DNAH3: variants seen among roughly 807,000 people sequenced by gnomAD.
The protein encoded by DNAH3 is axonemal beta dynein heavy chain 3.
Under a neutral mutation model 432.5 loss-of-function variants are expected in DNAH3, and 332 were observed. That is an observed-to-expected ratio of 0.77 (90% CI 0.70 to 0.84). DNAH3 has a LOEUF of 0.84. Among genes scored for constraint, DNAH3 ranks in the 40% least tolerant of loss-of-function variants. The pLI is 0.00. For synonymous variants in DNAH3, 1,956 were observed against 1,900.2 expected (o/e 1.03, Z -0.76); for missense variants, 4,861 against 5,114.0 (o/e 0.95, Z 1.51).
chr16:21,102,423 T>C (rs1322546836), intron 16 of DNAH3, among the ~76,000 whole-genome samples: 1 of 152,174 alleles, frequency 6.6e-6, no homozygotes, highest in East Asian at 1.9e-4. Context: ...GAGAAGCGTT[T>C]TTCTCCCCAC....
intron 20 of DNAH3, among the ~76,000 whole-genome samples, chr16:21,079,682 A>C (rs1357585131): frequency 6.6e-6 from 1 of 152,210 alleles, no homozygotes; most frequent in Non-Finnish European, 1.5e-5. Context: ...TCAGGTATAT[A>C]AAATGCTGAG....
At chr16:21,012,129 A>G (rs2087631714) in intron 41 of DNAH3, among the ~76,000 whole-genome samples, 1 of 152,224 alleles carries the variant, frequency 6.6e-6, no homozygotes. Flanking sequence ...CAGAATTAAA[A>G]TCATTCAAGA....
At chr16:21,142,774 C>A (rs1422872656) in intron 3 of DNAH3, among the ~76,000 whole-genome samples, 1 of 151,774 alleles carries the variant, frequency 6.6e-6, no homozygotes, top group East Asian at 1.9e-4. Context: ...CCACCTCAGT[C>A]TCCTGAGTAG....
At chr16:21,004,219 T>C (rs573440369) in intron 41 of DNAH3, among the ~76,000 whole-genome samples, 1 of 152,314 alleles carries the variant, frequency 6.6e-6, no homozygotes, top group South Asian at 2.1e-4. Context: ...ATTTAAAAAA[T>C]GAAAGTAAGG....
chr16:20,958,668 C>T (rs995277026), intron 54 of DNAH3, among the ~76,000 whole-genome samples: 3 of 152,152 alleles, frequency 2.0e-5, no homozygotes, highest in Admixed American at 1.3e-4. Flanking sequence ...CCTTCCCATC[C>T]CTTCTCTGTA....
At chr16:21,140,680 G>A in exon 5 of DNAH3, 2 of 1,614,086 alleles carry the variant, frequency 1.2e-6, no homozygotes, top group Non-Finnish European at 1.7e-6. Flanking sequence ...TCATGGGTGA[G>A]AAGATTGACG....
At chr16:20,960,167 C>T (rs2084753270) in intron 53 of DNAH3, among the ~76,000 whole-genome samples, 1 of 151,870 alleles carries the variant, frequency 6.6e-6, no homozygotes, top group African/African-American at 2.4e-5. Flanking sequence ...ATGTACATAT[C>T]TTATAGGTCT....
intron 54 of DNAH3, 43 bp downstream of exon 54, chr16:20,959,136 G>T: frequency 6.3e-7 from 1 of 1,593,264 alleles, no homozygotes; most frequent in Non-Finnish European, 8.6e-7. Flanking sequence ...CTGATGTCTG[G>T]AGGTTGGGTC....
chr16:20,980,383 G>T, intron 49 of DNAH3, among the ~76,000 whole-genome samples: 1 of 126,322 alleles, frequency 7.9e-6, no homozygotes, highest in Non-Finnish European at 1.8e-5. Context: ...TGTGGGGGGG[G>T]AGAGAGAGAG....
At chr16:21,139,809 T>C in intron 5 of DNAH3, among the ~76,000 whole-genome samples, 1 of 116,072 alleles carries the variant, frequency 8.6e-6, no homozygotes, top group African/African-American at 3.4e-5. Flanking sequence ...AGATAGAGCC[T>C]CGCTCTGTTG....
intron 61 of DNAH3, among the ~76,000 whole-genome samples, chr16:20,933,928 A>C (rs567363659): frequency 1.3e-5 from 2 of 152,354 alleles, no homozygotes; most frequent in East Asian, 3.9e-4. Flanking sequence ...TGTGGTATAA[A>C]GACTTCCACC....
intron 15 of DNAH3, among the ~76,000 whole-genome samples, chr16:21,104,951 C>G (rs144734100): frequency 6.6e-6 from 1 of 152,078 alleles, no homozygotes; most frequent in Non-Finnish European, 1.5e-5. Context: ...AGTCAGAAAC[C>G]CAGATTGATG....
rs944980232 is a variant in DNAH3, at chr16:21,058,249, T to C, written c.3814-53A>G. ...GGATCAGTTCACGTGTGGTTTAAAC[T>C]GAGTTTACGAAAACATGCCCCAACC... On this transcript the variant is annotated intron_variant, in intron 26 of 61. Transcript: ENST00000261383. 4 of 1,150,112 alleles carry C rather than the reference T, an allele frequency of 3.5e-6. No homozygotes were observed. In the African/African-American group the frequency reaches 6.1e-5, roughly 18 times the overall value. 71.2% of individuals were successfully genotyped at this position (1,150,112 alleles called of 1,614,324 possible).
chr16:20,978,309 A>T (rs1358478700), intron 50 of DNAH3, among the ~76,000 whole-genome samples: 1 of 152,144 alleles, frequency 6.6e-6, no homozygotes, highest in Non-Finnish European at 1.5e-5. Flanking sequence ...TGAGCAGATC[A>T]CCTGAGGTCA....
chr16:20,975,375 T>C lies in DNAH3; in HGVS notation c.8117A>G (p.Gln2706Arg), dbSNP rs201153647. 1.9e-5 allele frequency: 30 copies of C among 1,614,208 alleles called. No individual in the cohort carries two copies. The African/African-American group carries it at 3.9e-4, about 21-fold the overall frequency. ...AGTTTCCTCGGAGGTGAGGATGAGT[T>C]GAGGTTGAAGAGCTGTCAGTTCTCT... The change falls in exon 51 of 62, where the codon CAA becomes CGA. Residue 2706 changes from glutamine to arginine, a missense_variant. By Grantham distance (43) the Gln-to-Arg change is conservative. Coordinates refer to ENST00000261383, the Ensembl canonical transcript of DNAH3.
intron 54 of DNAH3, among the ~76,000 whole-genome samples, chr16:20,958,357 A>T (rs2084668515): frequency 6.6e-6 from 1 of 152,072 alleles, no homozygotes; most frequent in Non-Finnish European, 1.5e-5. Flanking sequence ...TACAGGCGTG[A>T]GCCACCATGC....
intron 51 of DNAH3, 128 bp from the exon 52 acceptor site, chr16:20,970,118 G>T (rs1313671676): frequency 1.2e-6 from 1 of 854,052 alleles, no homozygotes; most frequent in Non-Finnish European, 1.9e-6. Flanking sequence ...CTTTAACATG[G>T]TGCCTGCCGC....
chr16:21,134,508 T>G, intron 6 of DNAH3, 54 bp from the exon 8 acceptor site: 1 of 1,507,584 alleles, frequency 6.6e-7, no homozygotes, highest in Admixed American at 1.9e-5. Context: ...GTTGTGCTCT[T>G]AGCTTCAACT....
intron 41 of DNAH3, among the ~76,000 whole-genome samples, chr16:21,007,730 T>A (rs1405794982): frequency 6.6e-6 from 1 of 152,218 alleles, no homozygotes; most frequent in Non-Finnish European, 1.5e-5. Flanking sequence ...TACCTATTTT[T>A]TCTTTTGTCA....
Sources: allele counts gnomAD v4.1 joint callset (sites outside exome capture counted in the v4.1 genomes callset), GRCh38; gene constraint gnomAD v4.1.1; transcripts MANE v1.5; gene names NCBI Gene and HGNC (gene_info 2026-07-23, HGNC 2026-07-21).